CDK17: variants seen among roughly 807,000 people sequenced by gnomAD.
CDK17 encodes cyclin dependent kinase 17.
A neutral mutation model predicts 77.6 loss-of-function variants in CDK17; 24 were observed. The ratio of observed to expected loss-of-function variants is 0.31; its 90% CI spans 0.22 to 0.44. The LOEUF is 0.44. Among genes scored for constraint, CDK17 ranks in the 20% least tolerant of loss-of-function variants. CDK17 has a pLI of 1.00. For missense variants in CDK17, 429 were observed against 622.5 expected (o/e 0.69, Z 3.31); for synonymous variants, 203 against 210.4 (o/e 0.96, Z 0.30).
At chr12:96,316,281 A>C (rs7134030) in intron 3 of CDK17, among the ~76,000 whole-genome samples, 32,974 of 152,040 alleles carry the variant, frequency 0.22, 4,455 homozygotes, top group Middle Eastern at 0.32. Flanking sequence ...GAGACTATAT[A>C]CCACACCTGG....
chr12:96,312,563 C>T (rs1371666666), intron 4 of CDK17, among the ~76,000 whole-genome samples: 1 of 152,092 alleles, frequency 6.6e-6, no homozygotes, highest in Non-Finnish European at 1.5e-5. Flanking sequence ...TAAGAAGAAT[C>T]CTTTTATAAT....
In CDK17 at chr12:96,303,214, T is replaced by A. The variant is rs1465514713; in HGVS notation, c.544-2854A>T. ...AACATTTACCCAGCACAATGTTAGG[T>A]GCTAGAGAAGACAGACATGATTCCC... On this transcript the variant is annotated intron_variant, in intron 5 of 16. Transcript: ENST00000261211. 2.6e-5 allele frequency: 4 copies of A among 152,164 alleles called. No homozygotes were observed. In the East Asian group the frequency reaches 7.7e-4, roughly 29 times the overall value. 9.4% of individuals were successfully genotyped at this position (152,164 alleles called of 1,614,324 possible). A position where few individuals can be genotyped will look rare whatever the true frequency, so the allele number is the denominator to read the frequency against.
chr12:96,325,599 A>C (rs1952882863), intron 2 of CDK17, among the ~76,000 whole-genome samples: 1 of 152,242 alleles, frequency 6.6e-6, no homozygotes, highest in South Asian at 2.1e-4. Context: ...TAAGGGCCCA[A>C]AGGCTCACCC....
chr12:96,305,073 A>C (rs1952560420), intron 5 of CDK17, among the ~76,000 whole-genome samples: 1 of 152,234 alleles, frequency 6.6e-6, no homozygotes, highest in Non-Finnish European at 1.5e-5. Flanking sequence ...CACTGGGTAT[A>C]CCATTATCGT....
At chr12:96,369,485 A>T (rs952811055) in intron 1 of CDK17, among the ~76,000 whole-genome samples, 11 of 114,050 alleles carry the variant, frequency 9.6e-5, no homozygotes, top group African/African-American at 1.6e-4. Flanking sequence ...ATTTCTTTTT[A>T]AAAAAATGTT....
intron 1 of CDK17, among the ~76,000 whole-genome samples, chr12:96,380,823 C>T (rs1020921013): frequency 6.6e-6 from 1 of 152,172 alleles, no homozygotes; most frequent in Non-Finnish European, 1.5e-5. Flanking sequence ...TATGAGCAAC[C>T]TTTATCTCTA....
chr12:96,293,165 TAAG>T (rs1394072063), intron 10 of CDK17, among the ~76,000 whole-genome samples: 1 of 152,200 alleles, frequency 6.6e-6, no homozygotes, highest in Non-Finnish European at 1.5e-5. Context: ...AACAAAACAG[TAAG>T]AAGAATGGCC....
intron 1 of CDK17, among the ~76,000 whole-genome samples, chr12:96,359,165 T>C (rs1361024469): frequency 6.6e-6 from 1 of 152,130 alleles, no homozygotes; most frequent in African/African-American, 2.4e-5. Context: ...TAAAGCACCT[T>C]ACTAATCATT....
chr12:96,396,863 G>A (rs1592779832), intron 1 of CDK17, among the ~76,000 whole-genome samples: 1 of 152,192 alleles, frequency 6.6e-6, no homozygotes, highest in African/African-American at 2.4e-5. Context: ...ATTTTCTAAA[G>A]ACTAGGAAAC....
chr12:96,330,617 T>C (rs182804407), intron 2 of CDK17, among the ~76,000 whole-genome samples: 3 of 152,304 alleles, frequency 2.0e-5, no homozygotes, highest in Admixed American at 1.3e-4. Context: ...AATGGAATCA[T>C]AGAGTATTTT....
rs1418188491 is a variant in CDK17, at chr12:96,286,109, T to C, written c.1256A>G (p.Asn419Ser). 1.9e-5 allele frequency: 28 copies of C among 1,480,524 alleles called. No individual in the cohort carries two copies. The highest frequency in any genetic ancestry group is 2.4e-5 in the Non-Finnish European group (27 of 1,107,498). The allele number at this position is 1,480,524 out of a possible 1,614,324, so 91.7% of individuals were successfully genotyped here. A position where few individuals can be genotyped will look rare whatever the true frequency, so the allele number is the denominator to read the frequency against. ...SQETWPGISS[N>S]EEFKNYNFPK... is the part of the protein sequence containing the mutation. ...AAAGTTGTAGTTCTTGAACTCCTCA[T>C]TTGAAGAAATACCTGGCCAAGTTTC... The change falls in exon 13 of 17, where the codon AAT becomes AGT. Residue 419 changes from asparagine (N) to serine (S), a missense_variant. Asn to Ser is a conservative substitution (Grantham distance 46, BLOSUM62 1). Coordinates refer to ENST00000261211, the MANE Select transcript of CDK17 (RefSeq NM_002595.5).
At position 96,341,318 on chromosome 12, in the gene CDK17, TACACACACAC is replaced by T. The variant is rs10656968; in HGVS notation, c.-29-6463_-29-6454del. Among the ~76,000 whole-genome samples, 14 of 148,802 alleles carry T rather than the reference TACACACACAC, an allele frequency of 9.4e-5. No individual in the cohort carries two copies. In the East Asian group the frequency reaches 2.0e-3, roughly 21 times the overall value. ...TTACTCATAGCACTTATCATATACATACACACACACACACACACACACACACGTCTCATAT... is the reference window on the plus strand; with the variant it reads ...TTACTCATAGCACTTATCATATACATACACACACACACACACGTCTCATAT... On this transcript the variant is annotated intron_variant, in intron 1 of 16. Coordinates refer to ENST00000261211, the MANE Select transcript of CDK17 (RefSeq NM_002595.5).
chr12:96,342,466 G>A (rs1682961477), intron 1 of CDK17, among the ~76,000 whole-genome samples: 1 of 152,128 alleles, frequency 6.6e-6, no homozygotes, highest in African/African-American at 2.4e-5. Flanking sequence ...GGAGGCTGAG[G>A]CAGAAGAATC....
intron 1 of CDK17, among the ~76,000 whole-genome samples, chr12:96,382,995 C>T (rs1004278751): frequency 7.9e-5 from 12 of 152,050 alleles, no homozygotes; most frequent in African/African-American, 2.9e-4. Flanking sequence ...TCTGCAGATA[C>T]AATTATGTAT....
chr12:96,283,322 A>C (rs973180928), intron 14 of CDK17, among the ~76,000 whole-genome samples: 1 of 152,198 alleles, frequency 6.6e-6, no homozygotes, highest in Admixed American at 6.5e-5. Flanking sequence ...AAAAGAGAAC[A>C]TAAGAGAGCA....
chr12:96,391,388 C>G (rs1954065352), intron 1 of CDK17, among the ~76,000 whole-genome samples: 1 of 151,270 alleles, frequency 6.6e-6, no homozygotes, highest in South Asian at 2.1e-4. Context: ...CTCCCGGGTT[C>G]AAGCAATTCT....
chr12:96,356,936 A>G (rs895693875), intron 1 of CDK17, among the ~76,000 whole-genome samples: 21 of 152,342 alleles, frequency 1.4e-4, no homozygotes, highest in African/African-American at 5.0e-4. Flanking sequence ...TACTTCCATC[A>G]TGAATAATAA....
At chr12:96,342,923 T>C (rs375446259) in intron 1 of CDK17, among the ~76,000 whole-genome samples, 6 of 151,896 alleles carry the variant, frequency 4.0e-5, no homozygotes, top group South Asian at 2.1e-4. Context: ...GATTGTGCCA[T>C]TGCACTCCAG....
intron 5 of CDK17, among the ~76,000 whole-genome samples, chr12:96,302,125 T>C (rs1456291209): frequency 6.6e-6 from 1 of 152,140 alleles, no homozygotes; most frequent in Non-Finnish European, 1.5e-5. Flanking sequence ...CATCCATGTA[T>C]TGTCTTGAAC....
Sources: gnomAD v4.1 joint callset for allele counts (sites outside exome capture counted in the v4.1 genomes callset) on GRCh38, gnomAD v4.1.1 for gene constraint, MANE v1.5 for transcripts, NCBI Gene and HGNC (gene_info 2026-07-23, HGNC 2026-07-21) for gene names.